NCKAP5: variants seen among roughly 807,000 people sequenced by gnomAD.
The protein encoded by NCKAP5 is NCK associated protein 5, also known as nck-associated protein 5.
NCKAP5 carries 92 observed loss-of-function variants against 167.0 expected under a neutral mutation model. The observed-to-expected ratio is 0.55, with a 90% CI of 0.47 to 0.66. NCKAP5 has a LOEUF of 0.66. NCKAP5 is among the 30% of genes least tolerant of loss of function. The pLI, the probability that NCKAP5 is intolerant of heterozygous loss-of-function variation, is 0.00. For synonymous variants in NCKAP5, 891 were observed against 877.4 expected (o/e 1.02, Z -0.27); for missense variants, 2,378 against 2,315.0 (o/e 1.03, Z -0.56).
At chr2:132,779,776 T>A (rs535221716) in intron 15 of NCKAP5, among the ~76,000 whole-genome samples, 3 of 152,320 alleles carry the variant, frequency 2.0e-5, no homozygotes, top group African/African-American at 7.2e-5. Flanking sequence ...CATCAATAAG[T>A]ATTTATAGCT....
At position 132,731,965 on chromosome 2, in the gene NCKAP5, G is replaced by C. The variant is rs1375361362; in HGVS notation, c.5215C>G (p.Leu1739Val). ...DSGNRSTGRY[L>V]CQPDSPEDAE... ...TCCTCTGGGGAGTCTGGCTGGCATA[G>C]GTAGCGTCCTGTCGAGCGATTTCCC... Residue 1739 changes from leucine (L) to valine (V), a missense_variant, in exon 17 of 20, where the codon CTA (leucine) becomes GTA (valine). Around this residue, in one of 3 missense-constraint regions of NCKAP5, gnomAD observed 1,325 missense variants for 1,274.5 expected, o/e 1.04. Coordinates refer to ENST00000409261, the MANE Select transcript of NCKAP5 (RefSeq NM_207363.3). 6.2e-6 allele frequency: 10 copies of C among 1,613,816 alleles called. No individual in the cohort carries two copies. Among genetic ancestry groups the C allele is most frequent in the Non-Finnish European group, 8.5e-6 (10 of 1,179,884 alleles).
At chr2:132,934,409 C>T (rs989625663) in intron 8 of NCKAP5, among the ~76,000 whole-genome samples, 2 of 152,132 alleles carry the variant, frequency 1.3e-5, no homozygotes, top group Non-Finnish European at 2.9e-5. Flanking sequence ...CCCATCTCTA[C>T]TAAAAATACA....
chr2:132,905,164 A>G (rs1483019985), intron 8 of NCKAP5, among the ~76,000 whole-genome samples: 1 of 152,116 alleles, frequency 6.6e-6, no homozygotes, highest in African/African-American at 2.4e-5. Flanking sequence ...TCACATAAGT[A>G]TCTTCTTTCT....
At chr2:132,846,669 C>T (rs983239629) in intron 11 of NCKAP5, among the ~76,000 whole-genome samples, 8 of 152,052 alleles carry the variant, frequency 5.3e-5, no homozygotes, top group African/African-American at 1.9e-4. Context: ...ATCCTTTTTC[C>T]TCAGCACAAA....
intron 3 of NCKAP5, among the ~76,000 whole-genome samples, chr2:133,314,653 A>C (rs1418955481): frequency 6.6e-6 from 1 of 152,104 alleles, no homozygotes; most frequent in Non-Finnish European, 1.5e-5. Context: ...ATGTTCAGGC[A>C]CTCTTCAAGG....
the NCKAP5 span, among the ~76,000 whole-genome samples, chr2:133,606,360 A>G: frequency 1.1e-4 from 16 of 152,346 alleles, 1 homozygote; most frequent in South Asian, 3.3e-3. Flanking sequence ...TTGACCACAA[A>G]GAACTTACCG....
At position 133,445,172 on chromosome 2, in the gene NCKAP5, A is replaced by G. The variant is rs560256176; in HGVS notation, c.69+72286T>C. Among the ~76,000 whole-genome samples the G allele has an allele frequency of 5.5e-4, 84 of 152,234 alleles. 1 individual carries two copies. The South Asian group carries it at 0.017, about 30-fold the overall frequency. ...TTTACTGTCATGAAACAGTTCTCAA[A>G]TCTAGGTACATCTGAATTAATACAA... On this transcript the variant is annotated intron_variant, in intron 3 of 19. Transcript: ENST00000409261.
intron 3 of NCKAP5, among the ~76,000 whole-genome samples, chr2:133,397,274 C>T (rs1284162889): frequency 6.6e-6 from 1 of 152,220 alleles, no homozygotes; most frequent in Non-Finnish European, 1.5e-5. Flanking sequence ...CAATCTAAAT[C>T]AATCTTTCTT....
chr2:132,976,478 T>G (rs904012883), intron 7 of NCKAP5, among the ~76,000 whole-genome samples: 4 of 149,886 alleles, frequency 2.7e-5, no homozygotes, highest in Admixed American at 2.0e-4. Context: ...GCAGGAGAAT[T>G]GCTTGAACCT....
intron 3 of NCKAP5, among the ~76,000 whole-genome samples, chr2:133,465,239 A>G (rs1476655669): frequency 1.4e-5 from 2 of 141,800 alleles, no homozygotes; most frequent in East Asian, 4.3e-4. Flanking sequence ...ATTCCCACCT[A>G]TGAGTGAGAA....
chr2:132,952,841 C>T (rs1165158370), intron 8 of NCKAP5, among the ~76,000 whole-genome samples: 1 of 152,214 alleles, frequency 6.6e-6, no homozygotes, highest in Non-Finnish European at 1.5e-5. Context: ...TAAATATTCT[C>T]TCCATAGCTC....
At chr2:133,496,759 A>C (rs777416506) in intron 3 of NCKAP5, among the ~76,000 whole-genome samples, 1 of 152,208 alleles carries the variant, frequency 6.6e-6, no homozygotes, top group Admixed American at 6.5e-5. Context: ...GAACTACTGT[A>C]CTGGGAAAAT....
At chr2:133,583,135 A>T in the NCKAP5 span, among the ~76,000 whole-genome samples, 3 of 152,178 alleles carry the variant, frequency 2.0e-5, no homozygotes, top group Non-Finnish European at 4.4e-5. Flanking sequence ...AAATATATAT[A>T]TGATATGATG....
chr2:133,221,588 T>C (rs997034266), intron 4 of NCKAP5, among the ~76,000 whole-genome samples: 5 of 152,186 alleles, frequency 3.3e-5, no homozygotes, highest in Admixed American at 3.3e-4. Flanking sequence ...AGAGAAAGCA[T>C]GCCTACGCAC....
intron 8 of NCKAP5, chr2:132,954,863 T>G (rs1478412419): frequency 6.0e-6 from 2 of 333,116 alleles, no homozygotes; most frequent in African/African-American, 4.4e-5. Context: ...AGTTACATAA[T>G]GACATAGAAT....
intron 8 of NCKAP5, among the ~76,000 whole-genome samples, chr2:132,942,894 C>A (rs1027145573): frequency 3.3e-5 from 5 of 152,188 alleles, no homozygotes; most frequent in Admixed American, 1.3e-4. Flanking sequence ...TGTCTGCCAA[C>A]GGGAGTAACT....
intron 16 of NCKAP5, among the ~76,000 whole-genome samples, chr2:132,758,686 T>C (rs1680756870): frequency 6.6e-6 from 1 of 152,188 alleles, no homozygotes; most frequent in African/African-American, 2.4e-5. Context: ...TCTTGGCATC[T>C]CTCTTGTGAT....
At chr2:133,246,191 C>T (rs1366174128) in intron 4 of NCKAP5, among the ~76,000 whole-genome samples, 1 of 151,880 alleles carries the variant, frequency 6.6e-6, no homozygotes. Flanking sequence ...ACGGAGCTTT[C>T]CTGGTGAGGT....
chr2:133,469,336 G>GCC (rs1692861813), intron 3 of NCKAP5, among the ~76,000 whole-genome samples: 1 of 151,792 alleles, frequency 6.6e-6, no homozygotes, highest in African/African-American at 2.4e-5. Context: ...TTGAATATTG[G>GCC]CCCCCACTCT....
Sources: allele counts gnomAD v4.1 joint callset (sites outside exome capture counted in the v4.1 genomes callset), GRCh38; gene constraint gnomAD v4.1.1; regional missense constraint gnomAD v4.1.1; transcripts MANE v1.5; gene names NCBI Gene and HGNC (gene_info 2026-07-23, HGNC 2026-07-21).